Variants in YBX3 observed in about 807,000 individuals in gnomAD.
YBX3 encodes the protein Y-box-binding protein 3.
Under a neutral mutation model 42.4 loss-of-function variants are expected in YBX3, and 29 were observed. That is an observed-to-expected ratio of 0.68 (90% CI 0.51 to 0.93). The LOEUF (loss-of-function observed/expected upper bound fraction) is 0.93. YBX3 is among the 40% of genes least tolerant of loss of function. The pLI is 0.00. For synonymous variants in YBX3, 195 were observed against 189.8 expected (o/e 1.03, Z -0.22); for missense variants, 517 against 527.5 (o/e 0.98, Z 0.19).
Position 10,719,127 on chromosome 12 carries a change from G to A in YBX3, c.279C>T (p.Gly93=), listed in dbSNP as rs540480277. Residue 93 remains glycine (G), a synonymous_variant, in exon 2 of 10, where the codon GGC becomes GGT. Transcript: ENST00000228251. ...TTCTGACGTTGAACCATTTGACAGT[G>A]CCAAGGACTTTGGTGGCTAAAATAG... ...EKKVLATKVL[G]TVKWFNVRNG... 2 of 1,613,542 alleles carry A rather than the reference G, an allele frequency of 1.2e-6. No individual in the cohort carries two copies. The highest frequency in any genetic ancestry group is 2.2e-5 in the South Asian group (2 of 91,014).
At chr12:10,707,315 A>C (rs1307491352) in intron 6 of YBX3, among the ~76,000 whole-genome samples, 1 of 152,144 alleles carries the variant, frequency 6.6e-6, no homozygotes, top group Non-Finnish European at 1.5e-5. Flanking sequence ...AAAGACCTCC[A>C]AAGAATTTTC....
At chr12:10,722,777 T>G (rs1244737732) in intron 1 of YBX3, 73 bp downstream of exon 1, 29 of 1,248,150 alleles carry the variant, frequency 2.3e-5, no homozygotes, top group Non-Finnish European at 2.9e-5. Context: ...TAGCGCGAGC[T>G]GCCCACACGT....
intron 6 of YBX3, among the ~76,000 whole-genome samples, chr12:10,705,372 C>T (rs1948126082): frequency 6.6e-6 from 1 of 152,162 alleles, no homozygotes; most frequent in Non-Finnish European, 1.5e-5. Flanking sequence ...GGATTACAGG[C>T]ATGAGCCACC....
At chr12:10,700,649 T>C (rs1264315837) in intron 9 of YBX3, among the ~76,000 whole-genome samples, 1 of 152,188 alleles carries the variant, frequency 6.6e-6, no homozygotes, top group Non-Finnish European at 1.5e-5. Flanking sequence ...TTATTTCACT[T>C]AATAATCCTT....
intron 9 of YBX3, among the ~76,000 whole-genome samples, 169 bp downstream of exon 9, chr12:10,701,085 C>T (rs1948072878): frequency 6.6e-6 from 1 of 152,098 alleles, no homozygotes; most frequent in African/African-American, 2.4e-5. Context: ...GAGGTCAATC[C>T]CAGAAATATT....
intron 6 of YBX3, among the ~76,000 whole-genome samples, chr12:10,706,055 G>A (rs1565586870): frequency 6.6e-6 from 1 of 152,092 alleles, no homozygotes; most frequent in Non-Finnish European, 1.5e-5. Flanking sequence ...AAGATATCAC[G>A]GCTTTCAGGA....
In YBX3 at chr12:10,723,307, C is replaced by G; in HGVS notation, c.-196G>C. On this transcript the variant is annotated 5_prime_UTR_variant, in exon 1 of 10. Transcript: ENST00000228251. The stretch of plus-strand genomic sequence containing the variant: ...CGTGCTGCGCGCTCTCTCTTGGGCT[C>G]CTCGCTCGATCTTACTGCCCCAAAA... 1 of 905,104 alleles carries G rather than the reference C, an allele frequency of 1.1e-6. No homozygotes were observed. The highest frequency in any genetic ancestry group is 1.4e-6 in the Non-Finnish European group (1 of 710,090). The allele number at this position is 905,104 out of a possible 1,614,324, so 56.1% of individuals were successfully genotyped here. A position where few individuals can be genotyped will look rare whatever the true frequency, so the allele number is the denominator to read the frequency against.
At position 10,701,994 on chromosome 12, in the gene YBX3, C is replaced by T. The variant is rs184471157; in HGVS notation, c.1019G>A (p.Arg340His). 311 of 1,613,768 alleles carry T rather than the reference C, an allele frequency of 1.9e-4. No individual in the cohort carries two copies. The highest frequency in any genetic ancestry group is 1.0e-3 in the East Asian group (47 of 44,852). ...RRPYNYRRRP[R>H]PPNAPSQDGK... is the part of the protein sequence containing the mutation. ...ATCTTGTGAAGGAGCGTTAGGAGGA[C>T]GCGGGCGACGCCGGTAATTGTAGGG... is the stretch of plus-strand genomic sequence containing the variant. The change falls in exon 8 of 10, where the codon CGT becomes CAT. Residue 340 changes from arginine (R) to histidine (H), a missense_variant. By Grantham distance (29) the Arg-to-His change is conservative. Transcript: ENST00000228251.
At chr12:10,713,144 GTA>G in intron 5 of YBX3, 65 bp downstream of exon 5, 2 of 1,522,332 alleles carry the variant, frequency 1.3e-6, no homozygotes, top group Non-Finnish European at 1.8e-6. Flanking sequence ...TCTGCTCCAA[GTA>G]CATACACTTA....
chr12:10,702,034 G>C lies in YBX3; in HGVS notation c.979C>G (p.Arg327Gly), dbSNP rs150316658. 298 of 1,614,116 alleles carry C rather than the reference G, an allele frequency of 1.8e-4. No homozygotes were observed. The African/African-American group carries it at 3.5e-3, about 19-fold the overall frequency. Residue 327 changes from arginine to glycine, a missense_variant, in exon 8 of 10, where the codon CGT (arginine) becomes GGT (glycine). Arg to Gly is a moderately radical substitution (Grantham distance 125, BLOSUM62 -2). Transcript: ENST00000228251. ...TAATTGTAGGGACGCCGGTATCCAC[G>C]GCGAACAGACGGCTGGTTTGGACCA... is the stretch of plus-strand genomic sequence containing the variant. ...TSGPNQPSVR[R>G]GYRRPYNYRR...
In YBX3 at chr12:10,715,764, T is replaced by C; in HGVS notation, c.380A>G (p.Asn127Ser). ...TACACTGCGCAGATATTTCCGTGGGTTATTCTTCTTGATGGCAGTCTGGAA... is the reference window on the plus strand; with the variant it reads ...TACACTGCGCAGATATTTCCGTGGGCTATTCTTCTTGATGGCAGTCTGGAA... ...FVHQTAIKKNNPRKYLRSVGD... is the reference protein window; with the variant it reads ...FVHQTAIKKNSPRKYLRSVGD... The change falls in exon 4 of 10, where the codon AAC becomes AGC. Residue 127 changes from asparagine to serine, a missense_variant. Physicochemically the swap from Asn to Ser is conservative, Grantham distance 46 (BLOSUM62 1). Transcript: ENST00000228251. The C allele has an allele frequency of 6.2e-7, 1 of 1,614,084 alleles. No individual in the cohort carries two copies. Among genetic ancestry groups the C allele is most frequent in the Non-Finnish European group, 8.5e-7 (1 of 1,179,972 alleles).
intron 6 of YBX3, among the ~76,000 whole-genome samples, chr12:10,707,214 T>C (rs1444096247): frequency 6.6e-6 from 1 of 152,028 alleles, no homozygotes; most frequent in Non-Finnish European, 1.5e-5. Context: ...GACTACACCT[T>C]CCATCCTCCA....
At chr12:10,717,890 A>T in intron 3 of YBX3, 198 bp downstream of exon 3, 1 of 422,172 alleles carries the variant, frequency 2.4e-6, no homozygotes, top group Non-Finnish European at 4.2e-6. Flanking sequence ...AAACTATTTG[A>T]AAACAGTTAA....
chr12:10,701,923 C>A (rs1363675815), intron 8 of YBX3, 37 bp downstream of exon 8: 1 of 1,579,732 alleles, frequency 6.3e-7, no homozygotes. Context: ...TGATTAAAGA[C>A]TATCTGGCAA....
At position 10,704,311 on chromosome 12, in the gene YBX3, C is replaced by T. The variant is rs533734003; in HGVS notation, c.781-163G>A. The T allele has an allele frequency of 1.5e-4, 84 of 547,194 alleles. 2 individuals carry two copies. The South Asian group carries it at 2.2e-3, about 14-fold the overall frequency. The allele number at this position is 547,194 out of a possible 1,614,324, so 33.9% of individuals were successfully genotyped here. The stretch of plus-strand genomic sequence containing the variant: ...CACAAACTATTTATGAGTAAATCTT[C>T]GTGAACGACTGAAAAGGAAGACAAA... On this transcript the variant is annotated intron_variant, in intron 6 of 9. Coordinates refer to ENST00000228251, the MANE Select transcript of YBX3 (RefSeq NM_003651.5).
At chr12:10,715,558 TTC>T (rs1446995293) in intron 4 of YBX3, 134 bp downstream of exon 4, 6 of 778,006 alleles carry the variant, frequency 7.7e-6, no homozygotes, top group African/African-American at 5.4e-5. Flanking sequence ...AAAAAAAAAA[TTC>T]TGTTTAAAAG....
intron 2 of YBX3, 91 bp downstream of exon 2, chr12:10,718,989 T>C (rs117897867): frequency 0.011 from 12,568 of 1,194,048 alleles, 90 homozygotes; most frequent in Non-Finnish European, 0.013. Flanking sequence ...AAAATTTATA[T>C]AAGCCATTAA....
At chr12:10,701,827 T>C in intron 8 of YBX3, 133 bp downstream of exon 8, 2 of 1,037,062 alleles carry the variant, frequency 1.9e-6, no homozygotes, top group African/African-American at 1.6e-5. Context: ...ACCCTATATA[T>C]ATGGATCTTG....
rs956389688 is a variant in YBX3, at chr12:10,704,137, A to C, written c.792T>G (p.Ile264Met). Residue 264 changes from isoleucine (I) to methionine (M), a missense_variant, in exon 7 of 10, where the codon ATT (isoleucine) becomes ATG (methionine). Physicochemically the swap from Ile to Met is conservative, Grantham distance 10 (BLOSUM62 1). This residue lies in a region of YBX3 where 420 missense variants were observed against 408.5 expected (regional missense o/e 1.03). Transcript: ENST00000228251. ...PHPNRIQAGE[I>M]GEMKDGVPEG... ...CTGGGACTCCATCCTTCATCTCTCC[A>C]ATCTCACCAGCCTGGAGAGGCAATG... is the stretch of plus-strand genomic sequence containing the variant. 1 of 1,614,032 alleles carries C rather than the reference A, an allele frequency of 6.2e-7. No homozygotes were observed. Among genetic ancestry groups the C allele is most frequent in the African/African-American group, 1.3e-5 (1 of 74,932 alleles).
Sources: allele counts gnomAD v4.1 joint callset (sites outside exome capture counted in the v4.1 genomes callset), GRCh38; gene constraint gnomAD v4.1.1; regional missense constraint gnomAD v4.1.1; transcripts MANE v1.5; gene names NCBI Gene and HGNC (gene_info 2026-07-23, HGNC 2026-07-21).